Variants in FAM13A observed in about 807,000 individuals in gnomAD.
FAM13A encodes family with sequence similarity 13 member A.
FAM13A carries 76 observed loss-of-function variants against 129.6 expected under a neutral mutation model. That is an observed-to-expected ratio of 0.59 (90% CI 0.49 to 0.71). The LOEUF (loss-of-function observed/expected upper bound fraction) is 0.71. FAM13A is among the 30% of genes least tolerant of loss of function. The pLI is 0.00. For missense variants in FAM13A, 1,108 were observed against 1,249.3 expected (o/e 0.89, Z 1.70); for synonymous variants, 443 against 449.9 (o/e 0.98, Z 0.20).
intron 6 of FAM13A, among the ~76,000 whole-genome samples, chr4:88,883,873 A>G (rs183204880): frequency 1.3e-5 from 2 of 152,262 alleles, no homozygotes; most frequent in African/African-American, 4.8e-5. Flanking sequence ...ATTGAAGGCT[A>G]CGATAAACAC....
At chr4:88,823,074 T>C (rs780649719) in intron 7 of FAM13A, 3 of 1,603,084 alleles carry the variant, frequency 1.9e-6, no homozygotes, top group East Asian at 2.2e-5. Context: ...GTCTGTACAG[T>C]GAACGTCTTC....
chr4:88,955,216 T>A (rs1175680045), intron 4 of FAM13A, among the ~76,000 whole-genome samples: 1 of 152,162 alleles, frequency 6.6e-6, no homozygotes, highest in Non-Finnish European at 1.5e-5. Context: ...GAATTAAATA[T>A]CATTATATTT....
intron 5 of FAM13A, among the ~76,000 whole-genome samples, chr4:88,908,437 A>G (rs1748516700): frequency 6.6e-6 from 1 of 152,248 alleles, no homozygotes. Flanking sequence ...GGAAATTAGT[A>G]GAAATGTCTG....
At chr4:88,984,009 G>C (rs1761945004) in intron 4 of FAM13A, among the ~76,000 whole-genome samples, 1 of 152,068 alleles carries the variant, frequency 6.6e-6, no homozygotes, top group Non-Finnish European at 1.5e-5. Context: ...CAATAATTGT[G>C]GTCAACTTAT....
chr4:89,025,528 T>G (rs1056043431), intron 2 of FAM13A, among the ~76,000 whole-genome samples: 17 of 151,562 alleles, frequency 1.1e-4, no homozygotes, highest in Non-Finnish European at 1.5e-4. Flanking sequence ...CCTCCCAAAG[T>G]GCTGGGATTA....
In FAM13A at chr4:88,973,843, G is replaced by A. The variant is rs57440518; in HGVS notation, c.605+17130C>T. 6.4e-3 allele frequency among the ~76,000 whole-genome samples: 973 copies of A among 152,184 alleles called. 12 individuals carry two copies. Among genetic ancestry groups the A allele is most frequent in the African/African-American group, 0.022 (931 of 41,502 alleles). On this transcript the variant is annotated intron_variant, in intron 4 of 23. Transcript: ENST00000264344. ...TAGGTCTGTCTTTTAGTGAGCCTGT[G>A]CCCCTCAACTGTAAACTTCACAAGT...
chr4:88,766,313 T>C (rs1745699528), intron 13 of FAM13A, among the ~76,000 whole-genome samples: 1 of 152,126 alleles, frequency 6.6e-6, no homozygotes. Context: ...TTTAAAAGGA[T>C]GCCTAGAGAC....
At chr4:88,737,592 C>T (rs1739257559) in intron 20 of FAM13A, 37 bp from the exon 21 acceptor site, 1 of 1,557,182 alleles carries the variant, frequency 6.4e-7, no homozygotes, top group African/African-American at 1.4e-5. Flanking sequence ...ACATTCCGAA[C>T]CCCTTTCCCT....
chr4:88,863,912 A>G (rs1482555389), intron 6 of FAM13A, among the ~76,000 whole-genome samples: 7 of 152,214 alleles, frequency 4.6e-5, no homozygotes, highest in Admixed American at 1.3e-4. Flanking sequence ...GAAGCAGAAA[A>G]CAAACAAGTT....
intron 3 of FAM13A, among the ~76,000 whole-genome samples, chr4:89,007,669 T>C (rs1765231031): frequency 1.3e-5 from 2 of 152,158 alleles, no homozygotes; most frequent in African/African-American, 4.8e-5. Flanking sequence ...ACAGATACAC[T>C]AGGGCACAAA....
intron 5 of FAM13A, among the ~76,000 whole-genome samples, chr4:88,910,666 T>G (rs952999779): frequency 4.6e-5 from 7 of 151,972 alleles, no homozygotes; most frequent in African/African-American, 1.7e-4. Flanking sequence ...TTTTTTTTTT[T>G]TTGAGATGGA....
chr4:88,945,990 G>GTGTATATATATATATATATA, intron 4 of FAM13A, among the ~76,000 whole-genome samples: 74 of 61,794 alleles, frequency 1.2e-3, no homozygotes, highest in African/African-American at 2.2e-3. Flanking sequence ...GTGTGTGTGT[G>GTGTATATATATATATATATA]TATATATATA....
intron 5 of FAM13A, among the ~76,000 whole-genome samples, chr4:88,920,968 G>C (rs1342549395): frequency 6.6e-6 from 1 of 152,046 alleles, no homozygotes; most frequent in Admixed American, 6.6e-5. Flanking sequence ...AAGATGAAAT[G>C]AATGAAATGA....
intron 19 of FAM13A, among the ~76,000 whole-genome samples, chr4:88,742,077 C>T (rs1411392379): frequency 1.3e-5 from 2 of 152,140 alleles, no homozygotes; most frequent in Admixed American, 6.6e-5. Context: ...AAACAATAGA[C>T]GGTTGAGTAA....
chr4:88,772,699 G>A (rs1353370782), intron 11 of FAM13A, among the ~76,000 whole-genome samples: 1 of 152,080 alleles, frequency 6.6e-6, no homozygotes, highest in Non-Finnish European at 1.5e-5. Flanking sequence ...GCCTAAACAT[G>A]GTCAGAACAC....
intron 6 of FAM13A, among the ~76,000 whole-genome samples, chr4:88,891,674 T>C (rs547780248): frequency 1.3e-3 from 204 of 152,258 alleles, no homozygotes; most frequent in Non-Finnish European, 2.1e-3. Flanking sequence ...TCAATAAAAC[T>C]CCTCACAATA....
chr4:88,759,911 C>A (rs993077551), intron 13 of FAM13A, among the ~76,000 whole-genome samples: 2 of 152,158 alleles, frequency 1.3e-5, no homozygotes, highest in Non-Finnish European at 2.9e-5. Flanking sequence ...TGTCACTCTT[C>A]CCTGTCTCAC....
At position 88,986,207 on chromosome 4, in the gene FAM13A, T is replaced by A. The variant is rs548573906; in HGVS notation, c.605+4766A>T. Among the ~76,000 whole-genome samples the A allele has an allele frequency of 2.6e-5, 4 of 152,124 alleles. No individual in the cohort carries two copies. In the East Asian group the frequency reaches 7.7e-4, roughly 29 times the overall value. On this transcript the variant is annotated intron_variant, in intron 4 of 23. Coordinates refer to ENST00000264344, the MANE Select transcript of FAM13A (RefSeq NM_014883.4). Reference sequence around the variant, plus strand: ...GGAGTGCAGTGGCACAATATCAGCTTACTGCAACCTCCACCTCCCGGGTTC... The same window carrying A: ...GGAGTGCAGTGGCACAATATCAGCTAACTGCAACCTCCACCTCCCGGGTTC...
intron 5 of FAM13A, among the ~76,000 whole-genome samples, chr4:88,922,453 T>C (rs1751283064): frequency 6.6e-6 from 1 of 151,966 alleles, no homozygotes; most frequent in Non-Finnish European, 1.5e-5. Flanking sequence ...GAGTGACTAC[T>C]GGGTACATAA....
Sources: allele counts gnomAD v4.1 joint callset (sites outside exome capture counted in the v4.1 genomes callset), GRCh38; gene constraint gnomAD v4.1.1; transcripts MANE v1.5; gene names NCBI Gene and HGNC (gene_info 2026-07-23, HGNC 2026-07-21).